The following PLXNC1 variants were observed in gnomAD, a reference collection of about 807,000 sequenced individuals.
PLXNC1 encodes plexin-C1.
A neutral mutation model predicts 178.2 loss-of-function variants in PLXNC1; 75 were observed. The observed-to-expected ratio is 0.42, with a 90% confidence interval of 0.35 to 0.51. The LOEUF (loss-of-function observed/expected upper bound fraction) is 0.51, where lower values mean the gene tolerates loss of function less well. PLXNC1 is among the 20% of genes least tolerant of loss of function. The probability of loss-of-function intolerance (pLI) is 0.02; values close to 1 mark genes in which losing one functional copy is unlikely to be tolerated. For synonymous variants in PLXNC1, 790 were observed against 779.9 expected (o/e 1.01, Z -0.22); for missense variants, 1,503 against 1,984.4 (o/e 0.76, Z 4.61).
In PLXNC1 at chr12:94,300,887, G is replaced by A. The variant is rs528078946; in HGVS notation, c.4239-23G>A. Reference sequence around the variant, plus strand: ...CTTCATGAATGGCCCTATTTGAAAAGAGATTATTCTCTCTTTGAACAGCCT... The same window carrying A: ...CTTCATGAATGGCCCTATTTGAAAAAAGATTATTCTCTCTTTGAACAGCCT... On this transcript the variant is annotated intron_variant, in intron 27 of 30. Transcript: ENST00000258526. The A allele has an allele frequency of 7.5e-6, 12 of 1,597,766 alleles. No homozygotes were observed. In the African/African-American group the frequency reaches 1.1e-4, roughly 14 times the overall value.
intron 2 of PLXNC1, among the ~76,000 whole-genome samples, chr12:94,169,652 G>A (rs1450198494): frequency 6.6e-6 from 1 of 152,166 alleles, no homozygotes; most frequent in Non-Finnish European, 1.5e-5. Context: ...TCATGGAAAT[G>A]TACAAAGCAC....
intron 4 of PLXNC1, among the ~76,000 whole-genome samples, chr12:94,206,883 T>G (rs1033529716): frequency 1.7e-4 from 26 of 152,228 alleles, no homozygotes; most frequent in Non-Finnish European, 2.6e-4. Context: ...AATGAGATTT[T>G]AATTTAATTA....
At chr12:94,261,018 C>T (rs1450834578) in intron 20 of PLXNC1, among the ~76,000 whole-genome samples, 178 bp downstream of exon 20, 1 of 152,186 alleles carries the variant, frequency 6.6e-6, no homozygotes, top group African/African-American at 2.4e-5. Context: ...GTTTTTGCTG[C>T]AACTGGCCTA....
chr12:94,194,741 G>A (rs1188593051), intron 4 of PLXNC1, among the ~76,000 whole-genome samples: 2 of 150,478 alleles, frequency 1.3e-5, no homozygotes, highest in African/African-American at 4.9e-5. Flanking sequence ...GTGACAGAAC[G>A]AGACCTTGTC....
intron 4 of PLXNC1, among the ~76,000 whole-genome samples, chr12:94,201,362 C>T (rs2135990135): frequency 6.6e-6 from 1 of 152,370 alleles, no homozygotes; most frequent in Admixed American, 6.5e-5. Flanking sequence ...ATCCCTTTCT[C>T]ATCACTACCA....
In PLXNC1 at chr12:94,251,538, C is replaced by T. The variant is rs750301808; in HGVS notation, c.2881+10C>T. The T allele has an allele frequency of 5.2e-6, 8 of 1,544,966 alleles. No homozygotes were observed. In the South Asian group the frequency reaches 8.9e-5, roughly 17 times the overall value. On this transcript the variant is annotated intron_variant, in intron 15 of 30. Coordinates refer to ENST00000258526, the MANE Select transcript of PLXNC1 (RefSeq NM_005761.3). The stretch of plus-strand genomic sequence containing the variant: ...GTGATTGTCATTTTTGGTAAGTGCC[C>T]TGTTTAATTTTGTCAGAGAAATTAT...
intron 7 of PLXNC1, among the ~76,000 whole-genome samples, chr12:94,225,679 T>G (rs536444052): frequency 2.0e-5 from 3 of 152,208 alleles, no homozygotes; most frequent in Non-Finnish European, 4.4e-5. Flanking sequence ...GAACCAGACC[T>G]CAGACCTAGG....
At chr12:94,289,999 TGAG>T (rs1159992584) in intron 23 of PLXNC1, among the ~76,000 whole-genome samples, 1 of 152,186 alleles carries the variant, frequency 6.6e-6, no homozygotes, top group Non-Finnish European at 1.5e-5. Context: ...TGCCAGCTCT[TGAG>T]GAGACATTTG....
intron 6 of PLXNC1, among the ~76,000 whole-genome samples, chr12:94,221,164 G>A (rs1963785878): frequency 6.6e-6 from 1 of 152,204 alleles, no homozygotes; most frequent in Admixed American, 6.5e-5. Flanking sequence ...ATGGAGGCAG[G>A]GACTTGGAGA....
At position 94,279,614 on chromosome 12, in the gene PLXNC1, C is replaced by T. The variant is rs1021911491; in HGVS notation, c.3740C>T (p.Ser1247Phe). 1.2e-5 allele frequency: 19 copies of T among 1,614,118 alleles called. No individual in the cohort carries two copies. The highest frequency in any genetic ancestry group is 1.5e-5 in the Non-Finnish European group (18 of 1,180,038). ...IFQAFLSKNG[S>F]PYGLQLNEIG... ...CAAGCATTCTTAAGCAAAAATGGCTCTCCTTATGGACTTCAGCTTAATGAA... is the reference window on the plus strand; with the variant it reads ...CAAGCATTCTTAAGCAAAAATGGCTTTCCTTATGGACTTCAGCTTAATGAA... The change falls in exon 22 of 31, where the codon TCT (serine) becomes TTT (phenylalanine). Residue 1247 changes from serine (S) to phenylalanine (F), a missense_variant. Physicochemically the swap from Ser to Phe is radical, Grantham distance 155. Transcript: ENST00000258526.
At chr12:94,216,578 T>C (rs999817248) in intron 5 of PLXNC1, among the ~76,000 whole-genome samples, 2 of 152,250 alleles carry the variant, frequency 1.3e-5, no homozygotes, top group Admixed American at 1.3e-4. Flanking sequence ...GGCAGCATGT[T>C]TCAAAAGTCA....
chr12:94,294,378 T>A, intron 23 of PLXNC1, 108 bp from the exon 24 acceptor site: 2 of 596,714 alleles, frequency 3.4e-6, no homozygotes, highest in Non-Finnish European at 3.1e-6. Flanking sequence ...AAATATTTGA[T>A]TTAATAAGTG....
At chr12:94,229,673 G>C (rs1964037769) in intron 9 of PLXNC1, among the ~76,000 whole-genome samples, 1 of 152,112 alleles carries the variant, frequency 6.6e-6, no homozygotes, top group Non-Finnish European at 1.5e-5. Flanking sequence ...CCCATTGAAT[G>C]GTCTTGGCAC....
chr12:94,202,402 G>A (rs1468941851), intron 4 of PLXNC1, among the ~76,000 whole-genome samples: 2 of 152,220 alleles, frequency 1.3e-5, no homozygotes, highest in South Asian at 2.1e-4. Context: ...AGGGTGCAAA[G>A]GTGAATAAGG....
chr12:94,185,834 T>G (rs1035949562), intron 3 of PLXNC1: 2 of 153,144 alleles, frequency 1.3e-5, no homozygotes, highest in Non-Finnish European at 2.9e-5. Flanking sequence ...CAAAATGCCA[T>G]TGGCCACATA....
intron 27 of PLXNC1, among the ~76,000 whole-genome samples, chr12:94,299,520 C>CA (rs1442081621): frequency 6.6e-6 from 1 of 152,094 alleles, no homozygotes; most frequent in Non-Finnish European, 1.5e-5. Flanking sequence ...AGGCCTATCC[C>CA]AATTCTCTAC....
intron 3 of PLXNC1, among the ~76,000 whole-genome samples, chr12:94,184,787 G>T (rs1962450604): frequency 6.6e-6 from 1 of 152,126 alleles, no homozygotes; most frequent in Non-Finnish European, 1.5e-5. Context: ...AGAATGTTCT[G>T]GAGACCCATA....
chr12:94,263,499 C>T (rs530101992), intron 20 of PLXNC1, among the ~76,000 whole-genome samples: 20 of 152,044 alleles, frequency 1.3e-4, no homozygotes, highest in Non-Finnish European at 2.6e-4. Flanking sequence ...GCCCACCTGG[C>T]CCCCTGACTC....
chr12:94,222,246 C>T (rs916182455), intron 6 of PLXNC1, among the ~76,000 whole-genome samples: 9 of 152,324 alleles, frequency 5.9e-5, no homozygotes, highest in African/African-American at 1.7e-4. Context: ...CGCCTCCATC[C>T]GTTGCACCCA....
Sources: gnomAD v4.1 joint callset for allele counts (sites outside exome capture counted in the v4.1 genomes callset) on GRCh38, gnomAD v4.1.1 for gene constraint, MANE v1.5 for transcripts, NCBI Gene and HGNC (gene_info 2026-07-23, HGNC 2026-07-21) for gene names.